Variants in HSD17B12 observed in about 807,000 individuals in gnomAD.
HSD17B12 encodes the protein very-long-chain 3-oxoacyl-CoA reductase.
HSD17B12 carries 32 observed loss-of-function variants against 39.3 expected under a neutral mutation model. That is an observed-to-expected ratio of 0.81 (90% CI 0.61 to 1.09). The LOEUF is 1.09. Ranked by LOEUF, HSD17B12 falls within the 50% of genes least tolerant of loss-of-function variation. The pLI is 0.00. For missense variants in HSD17B12, 342 were observed against 382.9 expected, an observed-to-expected ratio of 0.89 and a Z score of 0.89; for synonymous variants, 150 against 146.7, an observed-to-expected ratio of 1.02 and a Z score of -0.16.
At chr11:43,677,932 C>A (rs961593718), upstream of HSD17B12, among the ~76,000 whole-genome samples, 3 of 152,160 alleles carry the variant, frequency 2.0e-5, no homozygotes, top group Non-Finnish European at 4.4e-5. Context: ...ATTTATAATC[C>A]TTTGGGTATA....
At chr11:43,666,193 A>G in the HSD17B12 span, among the ~76,000 whole-genome samples, 1 of 152,090 alleles carries the variant, frequency 6.6e-6, no homozygotes, top group Non-Finnish European at 1.5e-5. Flanking sequence ...GGGTGCTAGG[A>G]AAGGGGAAAT....
chr11:43,807,383 C>T (rs1038612583), intron 4 of HSD17B12, among the ~76,000 whole-genome samples: 4 of 152,046 alleles, frequency 2.6e-5, no homozygotes, highest in Non-Finnish European at 5.9e-5. Flanking sequence ...GAGGAAACGG[C>T]ATGTACAAAA....
chr11:43,669,500 C>CA, the HSD17B12 span, among the ~76,000 whole-genome samples: 32,014 of 134,178 alleles, frequency 0.24, 3,527 homozygotes, highest in Middle Eastern at 0.31. Flanking sequence ...GACTCTGTTT[C>CA]AAAAAAAAAA....
At chr11:43,746,877 G>A (rs1950416894) in intron 1 of HSD17B12, among the ~76,000 whole-genome samples, 1 of 152,182 alleles carries the variant, frequency 6.6e-6, no homozygotes, top group African/African-American at 2.4e-5. Context: ...AATCTTAGGG[G>A]ACCAGAGCTG....
intron 4 of HSD17B12, among the ~76,000 whole-genome samples, chr11:43,814,476 T>C (rs1951102570): frequency 6.6e-6 from 1 of 152,224 alleles, no homozygotes; most frequent in South Asian, 2.1e-4. Flanking sequence ...GATTGATTCC[T>C]GCAAATGTTC....
At chr11:43,721,534 G>A (rs915231000) in intron 1 of HSD17B12, among the ~76,000 whole-genome samples, 6 of 151,970 alleles carry the variant, frequency 3.9e-5, no homozygotes, top group South Asian at 2.1e-4. Flanking sequence ...CAGGAGAATC[G>A]CTTGAACCTG....
intron 1 of HSD17B12, among the ~76,000 whole-genome samples, chr11:43,686,707 A>G (rs1014445735): frequency 6.6e-6 from 1 of 151,110 alleles, no homozygotes; most frequent in African/African-American, 2.4e-5. Flanking sequence ...TAGCTTCCCT[A>G]CAGATTTCAT....
the HSD17B12 span, among the ~76,000 whole-genome samples, chr11:43,577,420 G>C: frequency 6.6e-6 from 1 of 152,190 alleles, no homozygotes; most frequent in Non-Finnish European, 1.5e-5. Context: ...GCCAAGGCCC[G>C]GCGTTTCAGG....
At chr11:43,774,417 G>A (rs1950679198) in intron 3 of HSD17B12, among the ~76,000 whole-genome samples, 1 of 152,054 alleles carries the variant, frequency 6.6e-6, no homozygotes, top group Admixed American at 6.6e-5. Flanking sequence ...GTTTTACCAT[G>A]TTGGCCAGGA....
the HSD17B12 span, among the ~76,000 whole-genome samples, chr11:43,588,302 T>G: frequency 1.3e-5 from 2 of 152,194 alleles, no homozygotes; most frequent in Non-Finnish European, 2.9e-5. Context: ...GGAAGTGAAG[T>G]GATCCATCTT....
chr11:43,734,481 T>G, intron 1 of HSD17B12: 1 of 651,146 alleles, frequency 1.5e-6, no homozygotes, highest in Non-Finnish European at 2.8e-6. Flanking sequence ...CTGGAAGTCG[T>G]GGAGGACATT....
chr11:43,613,250 G>T, the HSD17B12 span, among the ~76,000 whole-genome samples: 2 of 152,114 alleles, frequency 1.3e-5, no homozygotes, highest in Admixed American at 6.6e-5. Flanking sequence ...AAATTAGCCA[G>T]ACATGGTGGC....
At chr11:43,791,377 C>G (rs1590303521) in intron 3 of HSD17B12, among the ~76,000 whole-genome samples, 1 of 152,066 alleles carries the variant, frequency 6.6e-6, no homozygotes, top group East Asian at 1.9e-4. Context: ...ACTAAAAATA[C>G]AAAACTTAGC....
At chr11:43,760,164 C>T (rs1249616287) in intron 3 of HSD17B12, among the ~76,000 whole-genome samples, 1 of 152,116 alleles carries the variant, frequency 6.6e-6, no homozygotes, top group African/African-American at 2.4e-5. Flanking sequence ...TGCCAAAGTG[C>T]TGGGATTACA....
Position 43,817,026 on chromosome 11 carries a change from ATCTATATC to A in HSD17B12, c.501+637_501+644del, listed in dbSNP as rs1565099982. On this transcript the variant is annotated intron_variant, in intron 6 of 10. Coordinates refer to ENST00000278353, the MANE Select transcript of HSD17B12 (RefSeq NM_016142.3). ...TATCTATATCTATATCTATATCTAT[ATCTATATC>A]TATATCTATATATATATATATATAT... Among the ~76,000 whole-genome samples, 4 of 23,928 alleles carry A rather than the reference ATCTATATC, an allele frequency of 1.7e-4. No homozygotes were observed. The East Asian group carries it at 6.0e-3, about 36-fold the overall frequency. 15.7% of individuals were successfully genotyped at this position (23,928 alleles called of 152,430 possible).
intron 4 of HSD17B12, among the ~76,000 whole-genome samples, chr11:43,805,405 T>TA (rs1458491692): frequency 1.3e-5 from 2 of 152,126 alleles, no homozygotes; most frequent in Admixed American, 6.5e-5. Flanking sequence ...ACAATAGTCT[T>TA]AAAAAAGGAA....
At chr11:43,704,764 G>A (rs181627827) in intron 1 of HSD17B12, among the ~76,000 whole-genome samples, 5 of 152,304 alleles carry the variant, frequency 3.3e-5, no homozygotes, top group African/African-American at 1.2e-4. Context: ...GTAGAAGAAA[G>A]GGTGTTATTA....
intron 1 of HSD17B12, among the ~76,000 whole-genome samples, chr11:43,747,137 C>A (rs574364413): frequency 7.1e-4 from 108 of 152,314 alleles, no homozygotes; most frequent in Non-Finnish European, 1.2e-3. Context: ...TTTAGACCAA[C>A]TAAATGCCGA....
chr11:43,693,001 A>T (rs1451246924), intron 1 of HSD17B12, among the ~76,000 whole-genome samples: 1 of 152,262 alleles, frequency 6.6e-6, no homozygotes, highest in Non-Finnish European at 1.5e-5. Context: ...GAGAAAATGA[A>T]AAAAATCAGG....
Sources: allele counts gnomAD v4.1 joint callset (sites outside exome capture counted in the v4.1 genomes callset), GRCh38; gene constraint gnomAD v4.1.1; transcripts MANE v1.5; gene names NCBI Gene and HGNC (gene_info 2026-07-23, HGNC 2026-07-21).